Variants in GPBP1L1 observed in about 807,000 individuals in gnomAD.
GPBP1L1 encodes the protein GC-rich promoter binding protein 1 like 1.
GPBP1L1 carries 23 observed loss-of-function variants against 52.5 expected under a neutral mutation model. That is an observed-to-expected ratio of 0.44 (90% CI 0.32 to 0.62). The LOEUF (loss-of-function observed/expected upper bound fraction) is 0.62, where lower values mean the gene tolerates loss of function less well. Among genes scored for constraint, GPBP1L1 ranks in the 20% least tolerant of loss-of-function variants. GPBP1L1 has a pLI of 0.06. For missense variants in GPBP1L1, 596 were observed against 579.3 expected (o/e 1.03, Z -0.30); for synonymous variants, 243 against 203.1 (o/e 1.20, Z -1.67).
At chr1:45,649,454 CT>C (rs145402694) in intron 6 of GPBP1L1, among the ~76,000 whole-genome samples, 328 of 146,200 alleles carry the variant, frequency 2.2e-3, no homozygotes, top group Middle Eastern at 7.0e-3. Context: ...TAATCTGGAG[CT>C]TTTTTTTTTT....
At chr1:45,629,454 T>TCCCCCCCCCCCCCCCCCC (rs374490837) in intron 12 of GPBP1L1, 122 bp downstream of exon 12, 6 of 117,606 alleles carry the variant, frequency 5.1e-5, no homozygotes, top group African/African-American at 1.5e-4. Flanking sequence ...ACTAAGGTAA[T>TCCCCCCCCCCCCCCCCCC]CCCCCCCCCC....
intron 2 of GPBP1L1, among the ~76,000 whole-genome samples, chr1:45,661,837 A>G (rs1054831644): frequency 1.3e-5 from 2 of 152,182 alleles, no homozygotes; most frequent in African/African-American, 4.8e-5. Flanking sequence ...TAAGGTATTC[A>G]GAAATGCAAA....
chr1:45,671,143 T>C (rs555376674), intron 2 of GPBP1L1, among the ~76,000 whole-genome samples: 1 of 151,660 alleles, frequency 6.6e-6, no homozygotes, highest in South Asian at 2.1e-4. Flanking sequence ...CTGATATGTA[T>C]TAGAGCAAGG....
rs778023096 is a variant in GPBP1L1 at position 45,642,459 on chromosome 1, C to G, written c.518G>C (p.Cys173Ser). The G allele has an allele frequency of 6.2e-7, 1 of 1,614,092 alleles. No individual in the cohort carries two copies. Among genetic ancestry groups the G allele is most frequent in the Non-Finnish European group, 8.5e-7 (1 of 1,179,974 alleles). Residue 173 changes from cysteine to serine, a missense_variant, in exon 7 of 13, where the codon TGC becomes TCC. Transcript: ENST00000355105. ...TCCAGAAGGTGTCCCAATAGGTCTGCATGGCTGATGCTGTTTGCCAGCTTC... is the reference window on the plus strand; with the variant it reads ...TCCAGAAGGTGTCCCAATAGGTCTGGATGGCTGATGCTGTTTGCCAGCTTC... ...NPEAGKQHQP[C>S]RPIGTPSGVW... is the part of the protein sequence containing the mutation.
chr1:45,637,461 C>G (rs925814135), intron 8 of GPBP1L1, among the ~76,000 whole-genome samples: 1 of 147,626 alleles, frequency 6.8e-6, no homozygotes, highest in Middle Eastern at 3.3e-3. Flanking sequence ...ATTACCACCT[C>G]TGCCAACTGT....
intron 6 of GPBP1L1, among the ~76,000 whole-genome samples, chr1:45,644,481 C>T (rs189279260): frequency 1.6e-3 from 236 of 151,954 alleles, no homozygotes; most frequent in Non-Finnish European, 2.5e-3. Context: ...ATAACATTAC[C>T]AGACAAACCA....
chr1:45,654,797 C>T lies in GPBP1L1; in HGVS notation c.223G>A (p.Asp75Asn), dbSNP rs368840869. The T allele has an allele frequency of 3.2e-5, 52 of 1,613,994 alleles. No individual in the cohort carries two copies. Among genetic ancestry groups the T allele is most frequent in the Non-Finnish European group, 4.2e-5 (49 of 1,180,018 alleles). Residue 75 changes from aspartate (D) to asparagine (N), a missense_variant, in exon 6 of 13, where the codon GAT becomes AAT. Coordinates refer to ENST00000355105, the MANE Select transcript of GPBP1L1 (RefSeq NM_021639.5). ...SWHQPSLFRH[D>N]SVDSGVSKGA... Reference sequence around the variant, plus strand: ...TTAGAGACACCAGAGTCCACAGAATCATGGCGGAACAGGGAGGGCTGGTGC... The same window carrying T: ...TTAGAGACACCAGAGTCCACAGAATTATGGCGGAACAGGGAGGGCTGGTGC...
intron 4 of GPBP1L1, chr1:45,658,790 A>T (rs1269818240): frequency 4.3e-6 from 2 of 464,096 alleles, no homozygotes; most frequent in Non-Finnish European, 7.6e-6. Context: ...CAAAAACAAA[A>T]ATTAGCAGGG....
At chr1:45,661,485 C>G (rs1272382889) in intron 2 of GPBP1L1, among the ~76,000 whole-genome samples, 1 of 146,856 alleles carries the variant, frequency 6.8e-6, no homozygotes. Flanking sequence ...GATGGAGTTT[C>G]GCTCTTGTTG....
chr1:45,643,117 A>C (rs1340740760), intron 6 of GPBP1L1, among the ~76,000 whole-genome samples: 2 of 152,246 alleles, frequency 1.3e-5, no homozygotes, highest in Admixed American at 6.5e-5. Context: ...TTGAAAGAGA[A>C]GTGCTATCAG....
chr1:45,677,754 G>A (rs915191578), intron 2 of GPBP1L1, among the ~76,000 whole-genome samples: 10 of 152,094 alleles, frequency 6.6e-5, no homozygotes, highest in South Asian at 6.2e-4. Flanking sequence ...ACATTATCTC[G>A]AATTATTCAC....
At chr1:45,640,017 CAG>C (rs1644649917) in intron 8 of GPBP1L1, among the ~76,000 whole-genome samples, 191 bp downstream of exon 8, 1 of 147,182 alleles carries the variant, frequency 6.8e-6, no homozygotes, top group African/African-American at 2.5e-5. Context: ...GCCTGGGTGA[CAG>C]AGTGAGACCT....
intron 6 of GPBP1L1, among the ~76,000 whole-genome samples, chr1:45,646,792 C>T (rs554641113): frequency 3.4e-4 from 51 of 152,120 alleles, no homozygotes; most frequent in South Asian, 2.1e-4. Flanking sequence ...CTCCTGACCT[C>T]GTGATCTGCC....
At chr1:45,651,577 G>T in intron 6 of GPBP1L1, 1 of 638,174 alleles carries the variant, frequency 1.6e-6, no homozygotes, top group Non-Finnish European at 2.9e-6. Context: ...GCAAGGCCTG[G>T]ATGAACTGGT....
At chr1:45,685,996 T>C (rs1645276882) in intron 1 of GPBP1L1, among the ~76,000 whole-genome samples, 1 of 152,118 alleles carries the variant, frequency 6.6e-6, no homozygotes, top group Non-Finnish European at 1.5e-5. Flanking sequence ...TTTTCCTCCT[T>C]AGGTTTTCCT....
chr1:45,659,177 C>A (rs1307043362), intron 3 of GPBP1L1, 35 bp from the exon 4 acceptor site: 9 of 1,252,060 alleles, frequency 7.2e-6, no homozygotes, highest in Non-Finnish European at 1.0e-5. Context: ...CTTATGTTTA[C>A]AAGAATCTGA....
chr1:45,682,431 C>T (rs536433532), intron 2 of GPBP1L1, among the ~76,000 whole-genome samples: 9 of 152,288 alleles, frequency 5.9e-5, no homozygotes, highest in South Asian at 4.1e-4. Context: ...ATTCTCTAGG[C>T]TGACCTCTGG....
chr1:45,650,866 C>A (rs937247858), intron 6 of GPBP1L1, among the ~76,000 whole-genome samples: 2 of 152,184 alleles, frequency 1.3e-5, no homozygotes, highest in Non-Finnish European at 2.9e-5. Context: ...TAGACCTAAC[C>A]CATCTCTTTG....
intron 6 of GPBP1L1, among the ~76,000 whole-genome samples, chr1:45,649,725 C>A (rs1218744718): frequency 6.6e-6 from 1 of 152,068 alleles, no homozygotes; most frequent in African/African-American, 2.4e-5. Flanking sequence ...AAAATATACT[C>A]AATTCTATGA....
Sources: gnomAD v4.1 joint callset for allele counts (sites outside exome capture counted in the v4.1 genomes callset) on GRCh38, gnomAD v4.1.1 for gene constraint, MANE v1.5 for transcripts, NCBI Gene and HGNC (gene_info 2026-07-23, HGNC 2026-07-21) for gene names.